Variants in THBS1 observed in about 807,000 individuals in gnomAD.
THBS1 encodes thrombospondin-1.
A neutral mutation model predicts 126.1 loss-of-function variants in THBS1; 29 were observed. That is an observed-to-expected ratio of 0.23 (90% confidence interval 0.17 to 0.31). The LOEUF (loss-of-function observed/expected upper bound fraction) is 0.31, where lower values mean the gene tolerates loss of function less well. Among genes scored for constraint, THBS1 ranks in the 10% least tolerant of loss-of-function variants. THBS1 has a pLI of 1.00. For missense variants in THBS1, 1,198 were observed against 1,545.2 expected (o/e 0.78, Z 3.77); for synonymous variants, 496 against 577.8 (o/e 0.86, Z 2.03).
rs779697116 is a variant in THBS1 at position 39,590,031 on chromosome 15, C to T, written c.2145+8C>T. 2 of 1,579,100 alleles carry T rather than the reference C, an allele frequency of 1.3e-6. No homozygotes were observed. Among genetic ancestry groups the T allele is most frequent in the Non-Finnish European group, 1.7e-6 (2 of 1,161,200 alleles). On this transcript the variant is annotated splice_region_variant and intron_variant, in intron 13 of 21. Coordinates refer to ENST00000260356, the MANE Select transcript of THBS1 (RefSeq NM_003246.4). ...ACTTACCACTGCAAAAAGGTAGAGCCAGGTCCTTTGTGTGCCTCCAGAAAG... is the reference window on the plus strand; with the variant it reads ...ACTTACCACTGCAAAAAGGTAGAGCTAGGTCCTTTGTGTGCCTCCAGAAAG...
chr15:39,590,577 A>T lies in THBS1; in HGVS notation c.2207A>T (p.Asp736Val). 6.2e-7 allele frequency: 1 copy of T among 1,613,950 alleles called. No homozygotes were observed. ...QEDYDKDGIG[D>V]ACDDDDDNDK... ...GACTATGACAAGGATGGAATTGGTG[A>T]TGCCTGTGATGATGACGATGACAAT... Residue 736 changes from aspartate (D) to valine (V), a missense_variant, in exon 14 of 22, where the codon GAT (aspartate) becomes GTT (valine). By Grantham distance (152) the Asp-to-Val change is radical (BLOSUM62 -3). Transcript: ENST00000260356.
chr15:39,598,785 T>C lies in THBS1; in HGVS notation c.*3416T>C, dbSNP rs1449103118. On this transcript the variant is annotated 3_prime_UTR_variant, in exon 22 of 22. Coordinates refer to ENST00000260356, the MANE Select transcript of THBS1 (RefSeq NM_003246.4). ...AGTGAAGAGCAATAAACTCCAGGTC[T>C]TATAAGAATGTACATACAATAAAGG... The C allele has an allele frequency of 3.3e-5, 5 of 152,160 alleles. No homozygotes were observed. Among genetic ancestry groups the C allele is most frequent in the African/African-American group, 1.2e-4 (5 of 41,434 alleles). 9.4% of individuals were successfully genotyped at this position (152,160 alleles called of 1,614,324 possible). A position where few individuals can be genotyped will look rare whatever the true frequency, so the allele number is the denominator to read the frequency against.
rs1043292544 is a variant in THBS1, at chr15:39,591,217, A to T, written c.2280A>T (p.Pro760=). 2 of 1,614,182 alleles carry T rather than the reference A, an allele frequency of 1.2e-6. No homozygotes were observed. Among genetic ancestry groups the T allele is most frequent in the Non-Finnish European group, 1.7e-6 (2 of 1,180,008 alleles). The change falls in exon 15 of 22, where the codon CCA becomes CCT. Residue 760 remains proline, a synonymous_variant. Transcript: ENST00000260356. The part of the protein sequence containing the change: ...DRDNCPFHYN[P]AQYDYDRDDV... ...ACAACTGTCCATTCCATTACAACCC[A>T]GCTCAGTATGACTATGACAGAGATG...
In THBS1 at chr15:39,595,913, G is replaced by A. The variant is rs1292540386; in HGVS notation, c.*544G>A. 2.2e-6 allele frequency: 1 copy of A among 452,342 alleles called. No homozygotes were observed. Among genetic ancestry groups the A allele is most frequent in the African/African-American group, 2.0e-5 (1 of 49,982 alleles). 28.0% of individuals were successfully genotyped at this position (452,342 alleles called of 1,614,324 possible). ...TGTTCGGTACTAAGTCATTTTCAGG[G>A]GATTGAAAGACTATTGCTGGATTTC... On this transcript the variant is annotated 3_prime_UTR_variant, in exon 22 of 22. Coordinates refer to ENST00000260356, the MANE Select transcript of THBS1 (RefSeq NM_003246.4).
In THBS1 at chr15:39,589,831, G is replaced by A. The variant is rs749201835; in HGVS notation, c.1953G>A (p.Thr651=). The change falls in exon 13 of 22, where the codon ACG becomes ACA. Residue 651 remains threonine, a synonymous_variant. Coordinates refer to ENST00000260356, the MANE Select transcript of THBS1 (RefSeq NM_003246.4). The surrounding 1 kb of genome is among the most constrained non-coding windows in gnomAD (Gnocchi z 4.7). ...TGTGCAAGCCCCGTAACCCCTGCAC[G>A]GATGGGACCCACGACTGCAACAAGA... is the stretch of plus-strand genomic sequence containing the variant. ...KQVCKPRNPC[T]DGTHDCNKNA... is the part of the protein sequence containing the mutation. 23 of 1,613,550 alleles carry A rather than the reference G, an allele frequency of 1.4e-5. No individual in the cohort carries two copies. The Admixed American group carries it at 2.8e-4, about 20-fold the overall frequency.
In THBS1 at chr15:39,597,550, G is replaced by A. The variant is rs968724705; in HGVS notation, c.*2181G>A. The A allele has an allele frequency of 6.6e-6, 1 of 151,942 alleles. No homozygotes were observed. 9.4% of individuals were successfully genotyped at this position (151,942 alleles called of 1,614,324 possible). A position where few individuals can be genotyped will look rare whatever the true frequency, so the allele number is the denominator to read the frequency against. On this transcript the variant is annotated 3_prime_UTR_variant, in exon 22 of 22. Transcript: ENST00000260356. ...TAAATACCATTCATAAATCAATATA[G>A]CATATACAAAAATAAATTACAGTAA...
rs1595516064 is a variant in THBS1 at position 39,597,076 on chromosome 15, T to G, written c.*1707T>G. Reference sequence around the variant, plus strand: ...TTAAATACAATTTCTGAAAGTTATGTTTTTTTTCTATCATCTGGTATACCA... The same window carrying G: ...TTAAATACAATTTCTGAAAGTTATGGTTTTTTTCTATCATCTGGTATACCA... On this transcript the variant is annotated 3_prime_UTR_variant, in exon 22 of 22. Transcript: ENST00000260356. 6.6e-6 allele frequency: 1 copy of G among 151,968 alleles called. No individual in the cohort carries two copies. Among genetic ancestry groups the G allele is most frequent in the Non-Finnish European group, 1.5e-5 (1 of 67,978 alleles). The allele number at this position is 151,968 out of a possible 1,614,324, so 9.4% of individuals were successfully genotyped here.
chr15:39,581,999 C>T lies in THBS1; in HGVS notation c.67+75C>T, dbSNP rs528428800. The stretch of plus-strand genomic sequence containing the variant: ...TGGCTATCCCAGGTGTGCCCCCTCA[C>T]GTGCTGTCCTCTCCCTCTTGAGCCT... On this transcript the variant is annotated intron_variant, in intron 2 of 21. Coordinates refer to ENST00000260356, the MANE Select transcript of THBS1 (RefSeq NM_003246.4). The T allele has an allele frequency of 5.9e-5, 89 of 1,507,782 alleles. No individual in the cohort carries two copies. The East Asian group carries it at 1.6e-3, about 27-fold the overall frequency. 93.4% of individuals were successfully genotyped at this position (1,507,782 alleles called of 1,614,324 possible).
At position 39,583,714 on chromosome 15, in the gene THBS1, G is replaced by A. The variant is rs758792078; in HGVS notation, c.703+22G>A. 9 of 1,605,118 alleles carry A rather than the reference G, an allele frequency of 5.6e-6. 1 individual carries two copies. Among genetic ancestry groups the A allele is most frequent in the South Asian group, 3.3e-5 (3 of 90,490 alleles). Reference sequence around the variant, plus strand: ...AGCTGTGAGTACCCCTCTATTTTTAGGGCACATAGGGAATCAGGGGGAATT... The same window carrying A: ...AGCTGTGAGTACCCCTCTATTTTTAAGGCACATAGGGAATCAGGGGGAATT... On this transcript the variant is annotated intron_variant, in intron 4 of 21. Coordinates refer to ENST00000260356, the MANE Select transcript of THBS1 (RefSeq NM_003246.4).
intron 5 of THBS1, 22 bp downstream of exon 5, chr15:39,584,209 C>T (rs768516251): frequency 4.3e-6 from 7 of 1,613,762 alleles, no homozygotes; most frequent in Admixed American, 1.7e-5. Context: ...CTGCACCCAG[C>T]CCGTTAGCAT....
rs762765693 is a variant in THBS1 at position 39,582,779 on chromosome 15, C to T, written c.627+27C>T. Reference sequence around the variant, plus strand: ...TGAGGCTTCTTCTCTGAGCCCTGCTCCGTGGGATCATCTGCTAGACAGGTG... The same window carrying T: ...TGAGGCTTCTTCTCTGAGCCCTGCTTCGTGGGATCATCTGCTAGACAGGTG... On this transcript the variant is annotated intron_variant, in intron 3 of 21. Transcript: ENST00000260356. 5.2e-5 allele frequency: 82 copies of T among 1,576,712 alleles called. 2 individuals carry two copies. The South Asian group carries it at 8.7e-4, about 17-fold the overall frequency.
At position 39,593,777 on chromosome 15, in the gene THBS1, A is replaced by G; in HGVS notation, c.3267+109A>G. 1 of 1,436,776 alleles carries G rather than the reference A, an allele frequency of 7.0e-7. No individual in the cohort carries two copies. Among genetic ancestry groups the G allele is most frequent in the Non-Finnish European group, 9.4e-7 (1 of 1,062,400 alleles). The allele number at this position is 1,436,776 out of a possible 1,614,324, so 89.0% of individuals were successfully genotyped here. ...GACCAGGGAGTCTTAGAAAGTTCCC[A>G]GCATCACCAGCTGCAGCATTGAACT... On this transcript the variant is annotated intron_variant, in intron 19 of 21. Transcript: ENST00000260356. The surrounding 1 kb of genome is among the most constrained non-coding windows in gnomAD (Gnocchi z 5.9).
chr15:39,591,842 A>G (rs1231495477), intron 16 of THBS1, among the ~76,000 whole-genome samples: 1 of 152,218 alleles, frequency 6.6e-6, no homozygotes, highest in Non-Finnish European at 1.5e-5. Flanking sequence ...TGGTAACTTC[A>G]GTCTTACCTT....
intron 21 of THBS1, among the ~76,000 whole-genome samples, chr15:39,595,024 G>C (rs1466570587): frequency 1.3e-5 from 2 of 152,148 alleles, no homozygotes; most frequent in Non-Finnish European, 2.9e-5. Flanking sequence ...AAAGATCAAT[G>C]ACAGTAGAGA....
In THBS1 at chr15:39,584,093, G is replaced by C; in HGVS notation, c.809G>C (p.Cys270Ser). 1 of 1,614,186 alleles carries C rather than the reference G, an allele frequency of 6.2e-7. No individual in the cohort carries two copies. Among genetic ancestry groups the C allele is most frequent in the Non-Finnish European group, 8.5e-7 (1 of 1,180,030 alleles). Residue 270 changes from cysteine (C) to serine (S), a missense_variant, in exon 5 of 22, where the codon TGC (cysteine) becomes TCC (serine). This residue lies in a region of THBS1 where 663 missense variants were observed against 860.1 expected (regional missense o/e 0.77). Coordinates refer to ENST00000260356, the MANE Select transcript of THBS1 (RefSeq NM_003246.4). ...GHKTKDLQAI[C>S]GISCDELSSM... Reference sequence around the variant, plus strand: ...AAGACAAAGGACTTGCAAGCCATCTGCGGCATCTCCTGTGATGAGCTGTCC... The same window carrying C: ...AAGACAAAGGACTTGCAAGCCATCTCCGGCATCTCCTGTGATGAGCTGTCC...
chr15:39,592,457 C>A lies in THBS1; in HGVS notation c.2533-111C>A. The stretch of plus-strand genomic sequence containing the variant: ...GGAGTGTGTAAATAGACATGACACC[C>A]CACTGGCTGTATCAAACAATGGAGA... On this transcript the variant is annotated intron_variant, in intron 16 of 21. Coordinates refer to ENST00000260356, the MANE Select transcript of THBS1 (RefSeq NM_003246.4). The surrounding 1 kb of genome is among the most constrained non-coding windows in gnomAD (Gnocchi z 4.3). 1 of 800,290 alleles carries A rather than the reference C, an allele frequency of 1.2e-6. No individual in the cohort carries two copies. The highest frequency in any genetic ancestry group is 2.0e-6 in the Non-Finnish European group (1 of 500,212). The allele number at this position is 800,290 out of a possible 1,614,324, so 49.6% of individuals were successfully genotyped here.
intron 21 of THBS1, among the ~76,000 whole-genome samples, chr15:39,595,116 C>G (rs1230220292): frequency 6.6e-6 from 1 of 152,180 alleles, no homozygotes; most frequent in African/African-American, 2.4e-5. Flanking sequence ...ACTCCCTAAA[C>G]TGTTAACATT....
At chr15:39,581,643 T>C (rs966418021) in intron 1 of THBS1, 186 bp from the exon 2 acceptor site, 38 of 330,340 alleles carry the variant, frequency 1.2e-4, no homozygotes, top group Non-Finnish European at 1.8e-4. Context: ...CCTCCACCTC[T>C]CTCTCTCTCT....
intron 3 of THBS1, among the ~76,000 whole-genome samples, 163 bp from the exon 4 acceptor site, chr15:39,583,454 C>T (rs993996631): frequency 5.9e-5 from 9 of 152,128 alleles, no homozygotes; most frequent in African/African-American, 1.9e-4. Context: ...AGTTGTTTGG[C>T]GATTAATGTT....
Sources: allele counts gnomAD v4.1 joint callset (sites outside exome capture counted in the v4.1 genomes callset), GRCh38; gene constraint gnomAD v4.1.1; regional missense constraint gnomAD v4.1.1; non-coding constraint Gnocchi (gnomAD v3.1); transcripts MANE v1.5; gene names NCBI Gene and HGNC (gene_info 2026-07-23, HGNC 2026-07-21).